The following SCD5 variants were observed in gnomAD, a reference collection of about 807,000 sequenced individuals.
The protein encoded by SCD5 is stearoyl-CoA desaturase 5, also known as acyl-CoA-desaturase 4.
A neutral mutation model predicts 30.4 loss-of-function variants in SCD5; 20 were observed. The ratio of observed to expected loss-of-function variants is 0.66; its 90% confidence interval spans 0.46 to 0.96. The LOEUF (loss-of-function observed/expected upper bound fraction) is 0.96. Ranked by LOEUF, SCD5 falls within the 40% of genes least tolerant of loss-of-function variation. The pLI is 0.00. For missense variants in SCD5, 381 were observed against 443.3 expected (o/e 0.86, Z 1.26); for synonymous variants, 173 against 176.4 (o/e 0.98, Z 0.16).
chr4:82,782,805 T>A (rs1216883876), intron 1 of SCD5, among the ~76,000 whole-genome samples: 1 of 152,232 alleles, frequency 6.6e-6, no homozygotes. Flanking sequence ...TGTGGATTCC[T>A]GTGGAGGGAA....
intron 3 of SCD5, among the ~76,000 whole-genome samples, chr4:82,647,374 C>CT (rs1727654507): frequency 1.3e-5 from 2 of 152,136 alleles, no homozygotes; most frequent in South Asian, 4.1e-4. Context: ...AAGCTACACA[C>CT]CAGCAGCCAA....
At chr4:82,751,356 C>T (rs576416102) in intron 1 of SCD5, among the ~76,000 whole-genome samples, 4 of 152,216 alleles carry the variant, frequency 2.6e-5, no homozygotes, top group South Asian at 4.1e-4. Context: ...CCACCATACC[C>T]GGCTAAGAGA....
intron 1 of SCD5, among the ~76,000 whole-genome samples, chr4:82,772,568 G>A (rs1316183133): frequency 6.6e-6 from 1 of 152,170 alleles, no homozygotes; most frequent in African/African-American, 2.4e-5. Flanking sequence ...AAATGGTCTC[G>A]CTATGGCTGG....
intron 3 of SCD5, among the ~76,000 whole-genome samples, chr4:82,640,292 C>T (rs969547682): frequency 2.6e-5 from 4 of 152,180 alleles, no homozygotes; most frequent in Non-Finnish European, 4.4e-5. Flanking sequence ...ACAGCACTAG[C>T]GATGTGGTTT....
chr4:82,654,105 C>T (rs544878143), intron 3 of SCD5, among the ~76,000 whole-genome samples: 33 of 152,180 alleles, frequency 2.2e-4, no homozygotes, highest in African/African-American at 7.7e-4. Context: ...TTTGTAGAGA[C>T]GGGGTTTCAC....
intron 1 of SCD5, among the ~76,000 whole-genome samples, chr4:82,744,480 G>A (rs770674849): frequency 1.9e-4 from 29 of 152,146 alleles, no homozygotes; most frequent in African/African-American, 6.5e-4. Context: ...CCCCACGACC[G>A]TGGGAAGAGG....
chr4:82,687,072 G>A (rs1728724203), intron 2 of SCD5, among the ~76,000 whole-genome samples: 1 of 151,796 alleles, frequency 6.6e-6, no homozygotes, highest in Non-Finnish European at 1.5e-5. Context: ...TCGGGTGGCT[G>A]AGGCAGGAGA....
intron 3 of SCD5, among the ~76,000 whole-genome samples, chr4:82,673,817 T>C (rs1728380019): frequency 6.6e-6 from 1 of 152,144 alleles, no homozygotes; most frequent in Non-Finnish European, 1.5e-5. Context: ...AATTGATCAA[T>C]GAATCATAAC....
intron 3 of SCD5, among the ~76,000 whole-genome samples, chr4:82,648,743 GT>G (rs1727682037): frequency 6.6e-6 from 1 of 152,072 alleles, no homozygotes; most frequent in South Asian, 2.1e-4. Context: ...CTTCTAACTT[GT>G]TTCTCTTTAT....
intron 1 of SCD5, among the ~76,000 whole-genome samples, chr4:82,725,126 AG>A (rs1299950710): frequency 2.0e-5 from 3 of 152,240 alleles, no homozygotes; most frequent in Non-Finnish European, 4.4e-5. Context: ...ATAGTTCCAG[AG>A]TAAGGAGTTT....
chr4:82,769,578 T>TAAA (rs1721573562), intron 1 of SCD5, among the ~76,000 whole-genome samples: 1 of 152,160 alleles, frequency 6.6e-6, no homozygotes, highest in Admixed American at 6.5e-5. Flanking sequence ...TTGATGCATT[T>TAAA]TTTTCTTTTT....
chr4:82,717,044 T>C (rs955033272), intron 1 of SCD5, among the ~76,000 whole-genome samples: 4 of 151,786 alleles, frequency 2.6e-5, no homozygotes, highest in Non-Finnish European at 5.9e-5. Context: ...TGCCATTTCA[T>C]ATAAGGGACT....
chr4:82,798,661 T>A lies in SCD5; in HGVS notation c.-124A>T. 2.5e-6 allele frequency: 2 copies of A among 808,944 alleles called. No homozygotes were observed. The highest frequency in any genetic ancestry group is 1.9e-5 in the South Asian group (1 of 53,526). 50.1% of individuals were successfully genotyped at this position (808,944 alleles called of 1,614,324 possible). A position where few individuals can be genotyped will look rare whatever the true frequency, so the allele number is the denominator to read the frequency against. On this transcript the variant is annotated 5_prime_UTR_variant, in exon 1 of 5. Transcript: ENST00000319540. Reference sequence around the variant, plus strand: ...GGAATTCTCCGCACGTCCAGTCCCCTCCTTCCAGCCCTTCTCCCGGGCTCC... The same window carrying A: ...GGAATTCTCCGCACGTCCAGTCCCCACCTTCCAGCCCTTCTCCCGGGCTCC...
chr4:82,740,489 C>T (rs1720849803), intron 1 of SCD5, among the ~76,000 whole-genome samples: 1 of 152,196 alleles, frequency 6.6e-6, no homozygotes, highest in African/African-American at 2.4e-5. Context: ...AAGGGGGAAT[C>T]CAATCTATAG....
intron 1 of SCD5, among the ~76,000 whole-genome samples, chr4:82,768,868 G>A (rs1266045845): frequency 6.6e-6 from 1 of 151,998 alleles, no homozygotes; most frequent in Non-Finnish European, 1.5e-5. Flanking sequence ...TAGTGTGAAG[G>A]TGGAAGGCTC....
At chr4:82,731,169 G>A (rs1720636533) in intron 1 of SCD5, among the ~76,000 whole-genome samples, 1 of 152,222 alleles carries the variant, frequency 6.6e-6, no homozygotes. Context: ...TAGGGGCAGA[G>A]AGGATACAGC....
intron 3 of SCD5, among the ~76,000 whole-genome samples, chr4:82,670,388 G>A (rs12499494): frequency 0.13 from 19,761 of 152,102 alleles, 1,539 homozygotes; most frequent in East Asian, 0.4. Flanking sequence ...CCTTTGATAG[G>A]CTTATAAGTA....
At chr4:82,702,190 G>A (rs1214055315) in intron 2 of SCD5, among the ~76,000 whole-genome samples, 1 of 125,456 alleles carries the variant, frequency 8.0e-6, no homozygotes, top group African/African-American at 3.0e-5. Context: ...TGTCGCCCAG[G>A]CTGGAGTGCA....
chr4:82,724,296 A>T (rs1439092549), intron 1 of SCD5, among the ~76,000 whole-genome samples: 1 of 152,190 alleles, frequency 6.6e-6, no homozygotes, highest in Non-Finnish European at 1.5e-5. Flanking sequence ...CAGAACATAG[A>T]TGGCCAGCAT....
Sources: allele counts gnomAD v4.1 joint callset (sites outside exome capture counted in the v4.1 genomes callset), GRCh38; gene constraint gnomAD v4.1.1; transcripts MANE v1.5; gene names NCBI Gene and HGNC (gene_info 2026-07-23, HGNC 2026-07-21).